Variants in CMIP observed in about 807,000 individuals in gnomAD.
The protein encoded by CMIP is c-Maf inducing protein.
In CMIP, 13 loss-of-function variants were observed where a neutral mutation model predicts 97.3. That is an observed-to-expected ratio of 0.13 (90% CI 0.09 to 0.21). CMIP has a LOEUF of 0.21. Among genes scored for constraint, CMIP ranks in the 10% least tolerant of loss-of-function variants. CMIP has a pLI of 1.00. For synonymous variants in CMIP, 538 were observed against 436.3 expected, an observed-to-expected ratio of 1.23 and a Z score of -2.91; for missense variants, 847 against 1,024.9, an observed-to-expected ratio of 0.83 and a Z score of 2.37.
intron 10 of CMIP, among the ~76,000 whole-genome samples, chr16:81,690,976 C>G (rs962846245): frequency 2.0e-5 from 3 of 152,068 alleles, no homozygotes; most frequent in Non-Finnish European, 4.4e-5. Context: ...TCCAACAAAT[C>G]AGGAGGTTTG....
chr16:81,640,074 A>G (rs35921703), intron 3 of CMIP, among the ~76,000 whole-genome samples: 79,931 of 151,836 alleles, frequency 0.53, 21,317 homozygotes, highest in East Asian at 0.59. Context: ...TGACGTCCCT[A>G]CCCGAATTCT....
chr16:81,498,668 A>G (rs1345371804), intron 1 of CMIP, among the ~76,000 whole-genome samples: 1 of 152,180 alleles, frequency 6.6e-6, no homozygotes, highest in Non-Finnish European at 1.5e-5. Context: ...ACGTGTGTGC[A>G]TGCATACACC....
intron 2 of CMIP, chr16:81,618,913 T>C (rs936988045): frequency 1.3e-5 from 2 of 152,210 alleles, no homozygotes; most frequent in Non-Finnish European, 2.9e-5. Context: ...GCAGGGTGTA[T>C]TTTGTCATCC....
Position 81,517,907 on chromosome 16 carries a change from A to T in CMIP, c.300+72366A>T, listed in dbSNP as rs994588733. 4 of 982,480 alleles carry T rather than the reference A, an allele frequency of 4.1e-6. No individual in the cohort carries two copies. In the Admixed American group the frequency reaches 2.5e-4, roughly 60 times the overall value. The allele number at this position is 982,480 out of a possible 1,614,324, so 60.9% of individuals were successfully genotyped here. A position where few individuals can be genotyped will look rare whatever the true frequency, so the allele number is the denominator to read the frequency against. On this transcript the variant is annotated intron_variant, in intron 1 of 20. Coordinates refer to ENST00000537098, the MANE Select transcript of CMIP (RefSeq NM_198390.3). Reference sequence around the variant, plus strand: ...CTGCAGACATCTCTTTTCAATGTGGACCTCCTGCCACAGCCACGAGATTCA... The same window carrying T: ...CTGCAGACATCTCTTTTCAATGTGGTCCTCCTGCCACAGCCACGAGATTCA...
intron 3 of CMIP, among the ~76,000 whole-genome samples, chr16:81,650,367 G>C (rs554199033): frequency 6.6e-6 from 1 of 152,276 alleles, no homozygotes; most frequent in East Asian, 1.9e-4. Context: ...AGTAAGACCA[G>C]GTGCTGGAAG....
At chr16:81,702,540 T>G in intron 16 of CMIP, 82 bp from the exon 17 acceptor site, 1 of 1,335,970 alleles carries the variant, frequency 7.5e-7, no homozygotes, top group Non-Finnish European at 1.1e-6. Flanking sequence ...GATGGCTCCA[T>G]GAGTGTTGTT....
intron 10 of CMIP, among the ~76,000 whole-genome samples, chr16:81,688,942 A>G (rs147665650): frequency 6.6e-6 from 1 of 152,296 alleles, no homozygotes; most frequent in East Asian, 1.9e-4. Context: ...TTTGCTCAGA[A>G]TGATGGTTTC....
chr16:81,675,577 T>C (rs975609528), intron 9 of CMIP, among the ~76,000 whole-genome samples: 1 of 152,116 alleles, frequency 6.6e-6, no homozygotes, highest in Non-Finnish European at 1.5e-5. Context: ...CTGGACTGCT[T>C]TAAAATAGAT....
At chr16:81,572,556 CGG>C (rs945632889) in intron 1 of CMIP, among the ~76,000 whole-genome samples, 1 of 152,204 alleles carries the variant, frequency 6.6e-6, no homozygotes, top group African/African-American at 2.4e-5. Flanking sequence ...CCTTCCCTGA[CGG>C]GAGTTAGGCC....
At chr16:81,583,166 C>T (rs2150907585) in intron 1 of CMIP, among the ~76,000 whole-genome samples, 1 of 152,352 alleles carries the variant, frequency 6.6e-6, no homozygotes, top group East Asian at 1.9e-4. Flanking sequence ...GGAATTGTTC[C>T]TGGGGTTGCA....
chr16:81,502,681 T>TA, intron 1 of CMIP, among the ~76,000 whole-genome samples: 1 of 152,302 alleles, frequency 6.6e-6, no homozygotes, highest in South Asian at 2.1e-4. Flanking sequence ...TGTCAAGTGT[T>TA]ACCGTTATCA....
intron 13 of CMIP, among the ~76,000 whole-genome samples, chr16:81,694,760 T>A (rs1906509031): frequency 6.6e-6 from 1 of 152,136 alleles, no homozygotes; most frequent in Admixed American, 6.5e-5. Flanking sequence ...GAGGGGCTGG[T>A]CTCCAGGCCA....
At chr16:81,529,759 G>T (rs563179904) in intron 1 of CMIP, among the ~76,000 whole-genome samples, 4 of 152,342 alleles carry the variant, frequency 2.6e-5, no homozygotes, top group Non-Finnish European at 5.9e-5. Flanking sequence ...GATGGAGGAA[G>T]GAGCCACCAG....
chr16:81,679,591 A>C (rs191247649), intron 10 of CMIP, among the ~76,000 whole-genome samples: 2 of 150,988 alleles, frequency 1.3e-5, no homozygotes, highest in African/African-American at 4.9e-5. Context: ...CTGGGTGTCT[A>C]TGTGTGCACA....
intron 1 of CMIP, among the ~76,000 whole-genome samples, chr16:81,515,888 A>C (rs1019462466): frequency 6.6e-6 from 1 of 152,146 alleles, no homozygotes; most frequent in African/African-American, 2.4e-5. Context: ...TACCTCCCTC[A>C]GTCTCCAGAG....
At chr16:81,658,183 A>G (rs1446885303) in intron 5 of CMIP, among the ~76,000 whole-genome samples, 2 of 152,202 alleles carry the variant, frequency 1.3e-5, no homozygotes, top group African/African-American at 4.8e-5. Context: ...GCCCCAGGAC[A>G]TGTCTCCCAA....
intron 1 of CMIP, among the ~76,000 whole-genome samples, chr16:81,570,974 A>C (rs938808663): frequency 6.6e-6 from 1 of 152,190 alleles, no homozygotes; most frequent in Non-Finnish European, 1.5e-5. Flanking sequence ...TTAGAGAAAA[A>C]AACTGAGGAA....
Position 81,655,204 on chromosome 16 carries a change from C to T in CMIP, c.640-2571C>T, listed in dbSNP as rs74971729. 0.013 allele frequency among the ~76,000 whole-genome samples: 1,959 copies of T among 152,250 alleles called. 82 individuals are homozygous for T. The highest frequency in any genetic ancestry group is 0.085 in the Admixed American group (1,301 of 15,292). On this transcript the variant is annotated intron_variant, in intron 4 of 20. Coordinates refer to ENST00000537098, the MANE Select transcript of CMIP (RefSeq NM_198390.3). This position sits in a 1 kb window ranked among gnomAD's most constrained non-coding sequence, Gnocchi z 4.9. ...TGGAAAAACAAACATCTGCCTTCGA[C>T]CTCCGTGCCCTGTTTTGGGGCTGGG...
At chr16:81,458,747 C>T (rs1011278356) in intron 1 of CMIP, among the ~76,000 whole-genome samples, 2 of 152,154 alleles carry the variant, frequency 1.3e-5, no homozygotes, top group African/African-American at 4.8e-5. Flanking sequence ...CCAGACATTT[C>T]ATATGAGGCC....
Sources: gnomAD v4.1 joint callset for allele counts (sites outside exome capture counted in the v4.1 genomes callset) on GRCh38, gnomAD v4.1.1 for gene constraint, Gnocchi (gnomAD v3.1) non-coding constraint, MANE v1.5 for transcripts, NCBI Gene and HGNC (gene_info 2026-07-23, HGNC 2026-07-21) for gene names.